Variants in CUEDC1 observed in about 807,000 individuals in gnomAD.
CUEDC1 encodes the protein CUE domain containing 1, also known as CUE domain-containing protein 1.
In CUEDC1, 30 loss-of-function variants were observed where a neutral mutation model predicts 43.7. The observed-to-expected ratio is 0.69, with a 90% CI of 0.51 to 0.93. The LOEUF (loss-of-function observed/expected upper bound fraction) is 0.93, where lower values mean the gene tolerates loss of function less well. CUEDC1 is among the 40% of genes least tolerant of loss of function. The pLI is 0.00. For synonymous variants in CUEDC1, 223 were observed against 223.6 expected (o/e 1.00, Z 0.02); for missense variants, 486 against 549.0 (o/e 0.89, Z 1.15).
At chr17:57,863,311 G>A (rs1434405097) in intron 10 of CUEDC1, 26 bp from the exon 11 acceptor site, 3 of 152,588 alleles carry the variant, frequency 2.0e-5, no homozygotes, top group African/African-American at 4.8e-5. Flanking sequence ...AGGGATGGGA[G>A]GAATCTTTTT....
At chr17:57,897,328 C>G (rs2074421931) in intron 1 of CUEDC1, among the ~76,000 whole-genome samples, 1 of 152,150 alleles carries the variant, frequency 6.6e-6, no homozygotes, top group Admixed American at 6.5e-5. Flanking sequence ...AACAGTCTGG[C>G]CCCGGAGTCC....
chr17:57,924,635 A>G (rs9893275), intron 1 of CUEDC1, among the ~76,000 whole-genome samples: 62,587 of 151,230 alleles, frequency 0.41, 14,155 homozygotes, highest in African/African-American at 0.59. Context: ...GGGTCCCATC[A>G]CCCCACCCCT....
chr17:57,907,530 T>G (rs540209238), intron 1 of CUEDC1, among the ~76,000 whole-genome samples: 1 of 152,104 alleles, frequency 6.6e-6, no homozygotes, highest in Non-Finnish European at 1.5e-5. Flanking sequence ...ACATCTTCAG[T>G]ACCCCCACAA....
At chr17:57,886,923 A>G (rs998013564) in intron 1 of CUEDC1, among the ~76,000 whole-genome samples, 27 of 145,338 alleles carry the variant, frequency 1.9e-4, no homozygotes, top group Admixed American at 1.1e-3. Flanking sequence ...GGTTCACACC[A>G]TTCTCCTGCC....
At chr17:57,936,150 C>T (rs2074859705) in intron 1 of CUEDC1, among the ~76,000 whole-genome samples, 1 of 152,190 alleles carries the variant, frequency 6.6e-6, no homozygotes, top group South Asian at 2.1e-4. Flanking sequence ...TCTGTCAGGC[C>T]CTGTGGGCTG....
intron 8 of CUEDC1, chr17:57,867,623 A>G: frequency 5.1e-6 from 3 of 588,396 alleles, no homozygotes; most frequent in Admixed American, 2.8e-5. Flanking sequence ...CCCAGCTTAC[A>G]TCTCTGGGGA....
intron 1 of CUEDC1, among the ~76,000 whole-genome samples, chr17:57,909,134 GTATT>G (rs2074558717): frequency 6.6e-6 from 1 of 152,004 alleles, no homozygotes; most frequent in South Asian, 2.1e-4. Context: ...TAAATAAAAT[GTATT>G]TATTTGTTAA....
intron 3 of CUEDC1, among the ~76,000 whole-genome samples, chr17:57,874,977 C>G (rs1333098428): frequency 6.6e-6 from 1 of 152,148 alleles, no homozygotes; most frequent in Non-Finnish European, 1.5e-5. Context: ...ACGCCTCGTC[C>G]ACCCTCTCCC....
chr17:57,913,398 A>C (rs1178420111), intron 1 of CUEDC1, among the ~76,000 whole-genome samples: 1 of 151,884 alleles, frequency 6.6e-6, no homozygotes, highest in East Asian at 1.9e-4. Flanking sequence ...CCTGGGTTCA[A>C]GCACTCCTGC....
intron 1 of CUEDC1, among the ~76,000 whole-genome samples, chr17:57,917,420 T>C (rs1364459807): frequency 6.6e-6 from 1 of 152,252 alleles, no homozygotes. Flanking sequence ...GGCAAGGCCA[T>C]GCACCAACAC....
intron 1 of CUEDC1, among the ~76,000 whole-genome samples, chr17:57,950,477 A>T (rs898658245): frequency 1.1e-3 from 143 of 127,878 alleles, no homozygotes; most frequent in East Asian, 2.1e-3. Flanking sequence ...TTATTTATTT[A>T]TTTTTTTTTT....
chr17:57,931,634 ATTCAAGTTGATGGTGGCT>A, intron 1 of CUEDC1, among the ~76,000 whole-genome samples: 1 of 152,162 alleles, frequency 6.6e-6, no homozygotes, highest in African/African-American at 2.4e-5. Context: ...GAGACTGGGT[ATTCAAGTTGATGGTGGCT>A]GACAGATCTC....
intron 1 of CUEDC1, among the ~76,000 whole-genome samples, chr17:57,934,391 C>CAAAAAT (rs1404558085): frequency 1.3e-5 from 2 of 151,472 alleles, no homozygotes; most frequent in Non-Finnish European, 2.9e-5. Flanking sequence ...GACTCCGTCT[C>CAAAAAT]AAAAATAAAA....
chr17:57,891,644 A>T (rs957255301), intron 1 of CUEDC1, among the ~76,000 whole-genome samples: 1 of 151,588 alleles, frequency 6.6e-6, no homozygotes, highest in Non-Finnish European at 1.5e-5. Context: ...ACAGAGCCTA[A>T]CTCTCTGTGG....
intron 1 of CUEDC1, among the ~76,000 whole-genome samples, chr17:57,932,803 A>T (rs2074821451): frequency 6.6e-6 from 1 of 151,968 alleles, no homozygotes; most frequent in Non-Finnish European, 1.5e-5. Flanking sequence ...CAGAGGTTGC[A>T]GTGAGCCGAG....
chr17:57,868,640 C>T (rs2073993537), intron 7 of CUEDC1, among the ~76,000 whole-genome samples: 2 of 152,184 alleles, frequency 1.3e-5, no homozygotes, highest in African/African-American at 2.4e-5. Context: ...ATGACTAATC[C>T]GAGATTTTCC....
rs1228955396 is a variant in CUEDC1 at position 57,954,805 on chromosome 17, C to A, written c.-316+420G>T. ...CCTGCGCCCCCAGGCCCGGGCACTGCGGGGAGGGGCGCCCACACAAAAGGG... is the reference window on the plus strand; with the variant it reads ...CCTGCGCCCCCAGGCCCGGGCACTGAGGGGAGGGGCGCCCACACAAAAGGG... On this transcript the variant is annotated intron_variant, in intron 1 of 10. Transcript: ENST00000577830. This position sits in a 1 kb window ranked among gnomAD's most constrained non-coding sequence, Gnocchi z 4.3. 6.6e-6 allele frequency among the ~76,000 whole-genome samples: 1 copy of A among 152,108 alleles called. No homozygotes were observed. Among genetic ancestry groups the A allele is most frequent in the East Asian group, 1.9e-4 (1 of 5,150 alleles).
intron 1 of CUEDC1, among the ~76,000 whole-genome samples, chr17:57,888,621 C>T (rs929768654): frequency 7.9e-5 from 12 of 152,380 alleles, no homozygotes; most frequent in Non-Finnish European, 1.6e-4. Flanking sequence ...AACCCACACA[C>T]ATCAGAAGAG....
rs59475396 is a variant in CUEDC1, at chr17:57,862,962, A to AT, written c.*326dup. 4.5e-4 allele frequency: 65 copies of AT among 145,708 alleles called. No homozygotes were observed. Among genetic ancestry groups the AT allele is most frequent in the Admixed American group, 6.2e-4 (9 of 14,580 alleles). The allele number at this position is 145,708 out of a possible 1,614,324, so 9.0% of individuals were successfully genotyped here. A position where few individuals can be genotyped will look rare whatever the true frequency, so the allele number is the denominator to read the frequency against. On this transcript the variant is annotated 3_prime_UTR_variant, in exon 11 of 11. Transcript: ENST00000577830. ...ATTCCAACTTTTATCTGCTTTCTGG[A>AT]TTTTTTTTTTTTTAAAGGGAGGTTG... is the stretch of plus-strand genomic sequence containing the variant.
Sources: gnomAD v4.1 joint callset for allele counts (sites outside exome capture counted in the v4.1 genomes callset) on GRCh38, gnomAD v4.1.1 for gene constraint, Gnocchi (gnomAD v3.1) non-coding constraint, MANE v1.5 for transcripts, NCBI Gene and HGNC (gene_info 2026-07-23, HGNC 2026-07-21) for gene names.